The following EPHA5 variants were observed in gnomAD, a reference collection of about 807,000 sequenced individuals.
EPHA5 encodes EPH receptor A5, also known as ephrin type-A receptor 5.
A neutral mutation model predicts 105.0 loss-of-function variants in EPHA5; 60 were observed. The observed-to-expected ratio is 0.57, with a 90% confidence interval of 0.46 to 0.71. The LOEUF (loss-of-function observed/expected upper bound fraction) is 0.71. Among genes scored for constraint, EPHA5 ranks in the 30% least tolerant of loss-of-function variants. EPHA5 has a pLI of 0.00. For missense variants in EPHA5, 1,218 were observed against 1,274.7 expected, an observed-to-expected ratio of 0.96 and a Z score of 0.68; for synonymous variants, 513 against 449.1, an observed-to-expected ratio of 1.14 and a Z score of -1.80.
intron 3 of EPHA5, among the ~76,000 whole-genome samples, chr4:65,567,298 G>A (rs571239459): frequency 1.3e-5 from 2 of 151,526 alleles, no homozygotes; most frequent in African/African-American, 2.4e-5. Flanking sequence ...ATTCAACAAG[G>A]TTTCATCAGA....
chr4:65,563,579 C>A (rs1739240392), intron 3 of EPHA5, among the ~76,000 whole-genome samples: 1 of 151,872 alleles, frequency 6.6e-6, no homozygotes, highest in Non-Finnish European at 1.5e-5. Flanking sequence ...GCAAAATTCT[C>A]CAGATATTAC....
At chr4:65,403,043 C>T (rs577269751) in intron 8 of EPHA5, among the ~76,000 whole-genome samples, 14 of 152,054 alleles carry the variant, frequency 9.2e-5, no homozygotes, top group South Asian at 2.1e-4. Context: ...TCTAAAAACG[C>T]GTAAATGCTA....
At chr4:65,627,587 T>C (rs776857190) in intron 2 of EPHA5, among the ~76,000 whole-genome samples, 24 of 152,158 alleles carry the variant, frequency 1.6e-4, no homozygotes, top group South Asian at 4.1e-4. Flanking sequence ...CTTGATGGAA[T>C]GTGTAGTTTG....
At chr4:65,562,087 T>A (rs893051825) in intron 3 of EPHA5, among the ~76,000 whole-genome samples, 1 of 152,090 alleles carries the variant, frequency 6.6e-6, no homozygotes, top group African/African-American at 2.4e-5. Context: ...TTATTTTGGA[T>A]TTTGAGTCAA....
At chr4:65,445,887 G>C (rs764566599) in intron 5 of EPHA5, among the ~76,000 whole-genome samples, 1 of 152,066 alleles carries the variant, frequency 6.6e-6, no homozygotes, top group Non-Finnish European at 1.5e-5. Flanking sequence ...AATTAGGGAT[G>C]GCGTGCTTCT....
chr4:65,534,856 A>T (rs1002251552), intron 3 of EPHA5, among the ~76,000 whole-genome samples: 3 of 152,258 alleles, frequency 2.0e-5, no homozygotes, highest in Non-Finnish European at 4.4e-5. Context: ...AAAAGTGGCC[A>T]TTATGTGAAA....
intron 3 of EPHA5, among the ~76,000 whole-genome samples, chr4:65,513,755 C>G (rs1560630145): frequency 6.6e-6 from 1 of 152,070 alleles, no homozygotes; most frequent in East Asian, 1.9e-4. Context: ...GAAGTTCTAC[C>G]ATTTTTTATA....
At chr4:65,458,156 G>A (rs191682124) in intron 5 of EPHA5, among the ~76,000 whole-genome samples, 35 of 150,542 alleles carry the variant, frequency 2.3e-4, no homozygotes, top group African/African-American at 8.1e-4. Context: ...TACATATTCA[G>A]TGTAAGATAT....
chr4:65,484,343 C>A (rs1730675280), intron 5 of EPHA5, among the ~76,000 whole-genome samples: 1 of 152,090 alleles, frequency 6.6e-6, no homozygotes, highest in Admixed American at 6.6e-5. Flanking sequence ...ACAAGGATGG[C>A]ATCAAATTGA....
At chr4:65,453,753 G>A (rs564965907) in intron 5 of EPHA5, among the ~76,000 whole-genome samples, 8 of 152,280 alleles carry the variant, frequency 5.3e-5, no homozygotes, top group African/African-American at 1.9e-4. Flanking sequence ...AGGGATGCAA[G>A]ACCCTGGAAG....
intron 3 of EPHA5, among the ~76,000 whole-genome samples, chr4:65,565,606 T>C (rs956999592): frequency 6.6e-6 from 1 of 151,608 alleles, no homozygotes; most frequent in African/African-American, 2.4e-5. Context: ...TAAACAATAC[T>C]TCAAATAATA....
chr4:65,557,233 GAT>G lies in EPHA5; in HGVS notation c.910+44406_910+44407del, dbSNP rs61008833. Among the ~76,000 whole-genome samples, 878 of 90,916 alleles carry G rather than the reference GAT, an allele frequency of 9.7e-3. 18 individuals carry two copies. The highest frequency in any genetic ancestry group is 0.012 in the Non-Finnish European group (579 of 47,328). The allele number at this position is 90,916 out of a possible 152,430, so 59.6% of individuals were successfully genotyped here. A position where few individuals can be genotyped will look rare whatever the true frequency, so the allele number is the denominator to read the frequency against. On this transcript the variant is annotated intron_variant, in intron 3 of 16. Coordinates refer to ENST00000613740, the MANE Select transcript of EPHA5 (RefSeq NM_001281766.3). ...GTATTTTGAACATCATTTATACTGG[GAT>G]ATATATATATATATATATATATATT...
At chr4:65,476,117 A>AGTGTGTGTGTGTGT (rs1293931481) in intron 5 of EPHA5, among the ~76,000 whole-genome samples, 6 of 127,944 alleles carry the variant, frequency 4.7e-5, no homozygotes, top group African/African-American at 1.8e-4. Context: ...AGAGAGAGAG[A>AGTGTGTGTGTGTGT]GAGAGAGAGA....
intron 16 of EPHA5, among the ~76,000 whole-genome samples, chr4:65,326,202 C>T (rs1207744194): frequency 1.3e-5 from 2 of 150,804 alleles, no homozygotes; most frequent in African/African-American, 4.9e-5. Flanking sequence ...TTTAAATTTC[C>T]TTTTATGGAT....
intron 5 of EPHA5, among the ~76,000 whole-genome samples, chr4:65,457,567 A>G (rs1038397208): frequency 1.1e-4 from 16 of 152,164 alleles, no homozygotes; most frequent in Middle Eastern, 3.4e-3. Context: ...TACATCTCAG[A>G]TGAGGTGTCA....
chr4:65,564,249 A>T (rs547856847), intron 3 of EPHA5, among the ~76,000 whole-genome samples: 4 of 151,890 alleles, frequency 2.6e-5, no homozygotes, highest in African/African-American at 9.7e-5. Flanking sequence ...AAATCAAAGT[A>T]CCCATAGGAG....
At chr4:65,657,898 CAAAAA>C (rs58539913) in intron 1 of EPHA5, among the ~76,000 whole-genome samples, 39,573 of 117,498 alleles carry the variant, frequency 0.34, 5,974 homozygotes, top group Admixed American at 0.42. Flanking sequence ...TTGGTATATG[CAAAAA>C]AAAAAAAAAA....
intron 5 of EPHA5, among the ~76,000 whole-genome samples, chr4:65,440,499 T>TAC (rs71657410): frequency 0.044 from 6,281 of 143,350 alleles, 149 homozygotes; most frequent in African/African-American, 0.057. Flanking sequence ...TCCTAAATCT[T>TAC]ACACACACAC....
At chr4:65,420,711 A>G in intron 5 of EPHA5, 146 bp from the exon 6 acceptor site, 1 of 636,994 alleles carries the variant, frequency 1.6e-6, no homozygotes, top group Non-Finnish European at 2.4e-6. Flanking sequence ...TATAAGGTTT[A>G]AAGATTGTGA....
Sources: gnomAD v4.1 joint callset for allele counts (sites outside exome capture counted in the v4.1 genomes callset) on GRCh38, gnomAD v4.1.1 for gene constraint, MANE v1.5 for transcripts, NCBI Gene and HGNC (gene_info 2026-07-23, HGNC 2026-07-21) for gene names.